Variants in WDR62 observed in about 807,000 individuals in gnomAD.
The protein encoded by WDR62 is WD repeat domain 62.
WDR62 carries 112 observed loss-of-function variants against 160.6 expected under a neutral mutation model. The observed-to-expected ratio is 0.70, with a 90% CI of 0.60 to 0.82. The LOEUF (loss-of-function observed/expected upper bound fraction) is 0.82. Among genes scored for constraint, WDR62 ranks in the 40% least tolerant of loss-of-function variants. The pLI, the probability that WDR62 is intolerant of heterozygous loss-of-function variation, is 0.00. For missense variants in WDR62, 1,819 were observed against 1,983.8 expected, an observed-to-expected ratio of 0.92 and a Z score of 1.58; for synonymous variants, 792 against 815.1, an observed-to-expected ratio of 0.97 and a Z score of 0.48.
intron 8 of WDR62, 33 bp from the exon 9 acceptor site, chr19:36,073,309 G>A: frequency 6.2e-7 from 1 of 1,610,814 alleles, no homozygotes. Context: ...CAGTGACATT[G>A]ATGGTGATTG....
intron 26 of WDR62, 150 bp downstream of exon 26, chr19:36,102,301 GC>G: frequency 8.3e-7 from 1 of 1,200,172 alleles, no homozygotes; most frequent in Non-Finnish European, 1.2e-6. Context: ...TCGCTCTGTT[GC>G]CAGGCTGGAG....
At position 36,099,458 on chromosome 19, in the gene WDR62, C is replaced by T. The variant is rs886043531; in HGVS notation, c.2580C>T (p.Pro860=). ...LAFHAKRSYQ[P]HGRWAERAGQ... is the part of the protein sequence containing the mutation. ...TCCACGCCAAGCGCAGCTACCAGCC[C>T]CACGGCCGCTGGGCAGAGCGGGCCG... Residue 860 remains proline (P), a synonymous_variant, in exon 22 of 32, where the codon CCC becomes CCT. Transcript: ENST00000401500. 2 of 1,613,930 alleles carry T rather than the reference C, an allele frequency of 1.2e-6. No individual in the cohort carries two copies. Among genetic ancestry groups the T allele is most frequent in the Non-Finnish European group, 1.7e-6 (2 of 1,180,026 alleles).
intron 22 of WDR62, among the ~76,000 whole-genome samples, chr19:36,100,113 T>G (rs530353026): frequency 6.6e-6 from 1 of 152,310 alleles, no homozygotes; most frequent in South Asian, 2.1e-4. Context: ...TTTTAAATTT[T>G]TTTGTTTGTT....
chr19:36,095,456 CTG>C (rs1465298324), intron 20 of WDR62, among the ~76,000 whole-genome samples: 5 of 152,182 alleles, frequency 3.3e-5, no homozygotes, highest in African/African-American at 7.2e-5. Flanking sequence ...AGGGCAGAGA[CTG>C]TAGTCAGCTC....
At chr19:36,067,268 G>A in intron 5 of WDR62, 38 bp from the exon 6 acceptor site, 1 of 1,613,780 alleles carries the variant, frequency 6.2e-7, no homozygotes, top group Non-Finnish European at 8.5e-7. Context: ...CCAGTGGAAT[G>A]AGTGCTGGCA....
intron 1 of WDR62, among the ~76,000 whole-genome samples, chr19:36,058,011 G>T (rs1231298844): frequency 2.0e-5 from 3 of 152,172 alleles, no homozygotes; most frequent in Non-Finnish European, 4.4e-5. Flanking sequence ...TGATAATAGA[G>T]CCTTCTTCGT....
intron 18 of WDR62, 109 bp from the exon 19 acceptor site, chr19:36,092,580 T>C: frequency 6.7e-7 from 1 of 1,496,210 alleles, no homozygotes; most frequent in Non-Finnish European, 9.3e-7. Flanking sequence ...CAGGAGCATC[T>C]GGAGAATGGG....
chr19:36,089,075 CAA>C lies in WDR62; in HGVS notation c.1807_1808del (p.Lys603GlufsTer30), dbSNP rs955242188. 4 of 1,613,994 alleles carry C rather than the reference CAA, an allele frequency of 2.5e-6. No individual in the cohort carries two copies. Among genetic ancestry groups the C allele is most frequent in the African/African-American group, 1.3e-5 (1 of 74,928 alleles). On this transcript the variant is annotated frameshift_variant, in exon 14 of 32. Coordinates refer to ENST00000401500, the MANE Select transcript of WDR62 (RefSeq NM_001083961.2). LOFTEE classifies it high-confidence loss of function. The stretch of plus-strand genomic sequence containing the variant: ...TCCAGATGATCAGCTGTGGGGCTGA[CAA>C]GAGCATCTACTTTCGCAGTGCCCAG... ...DIQMISCGAD[K>X]SIYFRSAQQG... is the part of the protein sequence containing the mutation.
Position 36,058,789 on chromosome 19 carries a change from G to A in WDR62, c.187G>A (p.Glu63Lys), listed in dbSNP as rs764048412. 2 of 1,614,130 alleles carry A rather than the reference G, an allele frequency of 1.2e-6. No individual in the cohort carries two copies. The highest frequency in any genetic ancestry group is 3.3e-5 in the Admixed American group (2 of 60,026). ...EETVQNRVSL[E>K]KVLGITAQNS... Reference sequence around the variant, plus strand: ...GGCTTTTTCTTTGCAGGTGTCACTCGAGAAGGTGCTTGGCATCACAGCCCA... The same window carrying A: ...GGCTTTTTCTTTGCAGGTGTCACTCAAGAAGGTGCTTGGCATCACAGCCCA... Residue 63 changes from glutamate (E) to lysine (K), a missense_variant, in exon 2 of 32, where the codon GAG becomes AAG. Around this residue, in one of 3 missense-constraint regions of WDR62, gnomAD observed 115 missense variants for 92.4 expected, o/e 1.24. Coordinates refer to ENST00000401500, the MANE Select transcript of WDR62 (RefSeq NM_001083961.2).
chr19:36,093,340 T>TC (rs1972754599), intron 19 of WDR62, among the ~76,000 whole-genome samples: 1 of 152,220 alleles, frequency 6.6e-6, no homozygotes, highest in Non-Finnish European at 1.5e-5. Flanking sequence ...TAGCTTCACT[T>TC]ACTTCTTTGA....
chr19:36,091,620 G>C (rs1252306437), intron 18 of WDR62, among the ~76,000 whole-genome samples, 155 bp downstream of exon 18: 2 of 152,172 alleles, frequency 1.3e-5, no homozygotes, highest in Non-Finnish European at 2.9e-5. Context: ...CTCTAAGCTG[G>C]GCATGATGGC....
At chr19:36,067,789 G>A in intron 6 of WDR62, 39 bp from the exon 7 acceptor site, 1 of 1,609,666 alleles carries the variant, frequency 6.2e-7, no homozygotes, top group Non-Finnish European at 8.5e-7. Context: ...GGGCCCAGCT[G>A]TGTGGACAAG....
chr19:36,056,166 A>T (rs1970358042), intron 1 of WDR62, among the ~76,000 whole-genome samples: 1 of 152,174 alleles, frequency 6.6e-6, no homozygotes, highest in South Asian at 2.1e-4. Flanking sequence ...ACTCTGTCTC[A>T]AAATAAATAA....
Position 36,101,289 on chromosome 19 carries a change from C to A in WDR62, c.2943C>A (p.Asp981Glu). 2 of 1,612,368 alleles carry A rather than the reference C, an allele frequency of 1.2e-6. No homozygotes were observed. The highest frequency in any genetic ancestry group is 1.7e-6 in the Non-Finnish European group (2 of 1,179,632). Residue 981 changes from aspartate (D) to glutamate (E), a missense_variant, in exon 24 of 32, where the codon GAC becomes GAA. Asp to Glu is a conservative substitution (Grantham distance 45). This residue lies in a region of WDR62 where 770 missense variants were observed against 734.2 expected (regional missense o/e 1.05). Transcript: ENST00000401500. Reference protein sequence around the residue: ...QGDSYLRVSSDSPKDQSPPED... With the variant: ...QGDSYLRVSSESPKDQSPPED... ...ACTCCTACCTCAGGGTGTCCTCCGA[C>A]AGCCCAAAGGACCAGAGCCCGCCTG...
intron 9 of WDR62, among the ~76,000 whole-genome samples, chr19:36,076,934 A>G (rs558684479): frequency 3.1e-3 from 468 of 152,222 alleles, no homozygotes; most frequent in Non-Finnish European, 5.9e-3. Flanking sequence ...TTTATTTTGG[A>G]ATGGGGAATT....
chr19:36,110,038 G>A (rs527855275), downstream of WDR62, among the ~76,000 whole-genome samples: 2 of 147,814 alleles, frequency 1.4e-5, no homozygotes, highest in Non-Finnish European at 3.0e-5. Flanking sequence ...CCTGGGCAAC[G>A]AGCAAAACTC....
chr19:36,064,704 A>G (rs1194672024), intron 3 of WDR62, among the ~76,000 whole-genome samples: 1 of 152,122 alleles, frequency 6.6e-6, no homozygotes, highest in Non-Finnish European at 1.5e-5. Flanking sequence ...CAGCCTCCCG[A>G]GTAGCCGGGA....
rs2145706114 is a variant in WDR62 at position 36,081,432 on chromosome 19, G to A, written c.1234-1G>A. ...TTTGCCTTGTCCTCTGGGAACTGTA[G>A]GTGTATCCTGAGTTTGAAGACCAGA... On this transcript the variant is annotated splice_acceptor_variant, in intron 9 of 31. Coordinates refer to ENST00000401500, the MANE Select transcript of WDR62 (RefSeq NM_001083961.2). LOFTEE classifies it high-confidence loss of function. 1 of 1,614,044 alleles carries A rather than the reference G, an allele frequency of 6.2e-7. No individual in the cohort carries two copies. The highest frequency in any genetic ancestry group is 8.5e-7 in the Non-Finnish European group (1 of 1,180,004).
intron 15 of WDR62, 152 bp downstream of exon 15, chr19:36,089,458 T>C (rs1042361896): frequency 7.5e-7 from 1 of 1,335,996 alleles, no homozygotes; most frequent in African/African-American, 1.4e-5. Flanking sequence ...GTTTTTGTTT[T>C]TGAGGCAGAG....
Sources: allele counts gnomAD v4.1 joint callset (sites outside exome capture counted in the v4.1 genomes callset), GRCh38; gene constraint gnomAD v4.1.1; regional missense constraint gnomAD v4.1.1; transcripts MANE v1.5; gene names NCBI Gene and HGNC (gene_info 2026-07-23, HGNC 2026-07-21).